Variants in PLD1 observed in about 807,000 individuals in gnomAD.
PLD1 encodes the protein choline phosphatase 1.
PLD1 carries 112 observed loss-of-function variants against 137.1 expected under a neutral mutation model. The observed-to-expected ratio is 0.82, with a 90% CI of 0.70 to 0.96. The LOEUF (loss-of-function observed/expected upper bound fraction) is 0.96. PLD1 is among the 40% of genes least tolerant of loss of function. The pLI, the probability that PLD1 is intolerant of heterozygous loss-of-function variation, is 0.00. For missense variants in PLD1, 1,321 were observed against 1,342.0 expected, an observed-to-expected ratio of 0.98 and a Z score of 0.24; for synonymous variants, 431 against 454.7, an observed-to-expected ratio of 0.95 and a Z score of 0.66.
At chr3:171,660,568 T>C (rs6771343) in intron 20 of PLD1, among the ~76,000 whole-genome samples, 70,273 of 152,066 alleles carry the variant, frequency 0.46, 16,623 homozygotes, top group African/African-American at 0.55. Flanking sequence ...TTAATACTAC[T>C]GTCACATTAA....
intron 21 of PLD1, among the ~76,000 whole-genome samples, chr3:171,647,388 C>A (rs1028277795): frequency 8.6e-5 from 13 of 151,500 alleles, no homozygotes; most frequent in Non-Finnish European, 1.3e-4. Flanking sequence ...TATTTTATGT[C>A]TTTAAATTAA....
At chr3:171,794,741 T>C (rs756061538) in intron 1 of PLD1, among the ~76,000 whole-genome samples, 3 of 151,986 alleles carry the variant, frequency 2.0e-5, no homozygotes, top group Non-Finnish European at 4.4e-5. Context: ...ACAAGTAAAG[T>C]TTTGGGATAC....
rs1478574872 is a variant in PLD1, at chr3:171,618,714, GTGTGTA to G, written c.2728+1666_2728+1671del. 5.6e-3 allele frequency among the ~76,000 whole-genome samples: 589 copies of G among 105,070 alleles called. 5 individuals are homozygous for G. The highest frequency in any genetic ancestry group is 7.9e-3 in the African/African-American group (170 of 21,392). The allele number at this position is 105,070 out of a possible 152,430, so 68.9% of individuals were successfully genotyped here. On this transcript the variant is annotated intron_variant, in intron 24 of 26. Transcript: ENST00000351298. ...TAAATGTGCTATACAAATATTAAAA[GTGTGTA>G]TGTGTGTGTGTGTGTGTGTGTGTGT... is the stretch of plus-strand genomic sequence containing the variant.
chr3:171,779,637 G>A (rs1722713646), intron 1 of PLD1, among the ~76,000 whole-genome samples: 1 of 152,170 alleles, frequency 6.6e-6, no homozygotes, highest in African/African-American at 2.4e-5. Flanking sequence ...GTAAGTCTGA[G>A]ATTCAGGCCT....
intron 25 of PLD1, among the ~76,000 whole-genome samples, chr3:171,606,678 TC>T (rs1406031774): frequency 6.6e-6 from 1 of 152,186 alleles, no homozygotes; most frequent in African/African-American, 2.4e-5. Context: ...ATTGTTACCC[TC>T]CTTGTATTTA....
intron 1 of PLD1, among the ~76,000 whole-genome samples, chr3:171,776,886 A>AT: frequency 6.6e-6 from 1 of 152,330 alleles, no homozygotes; most frequent in South Asian, 2.1e-4. Flanking sequence ...AATTACTGTA[A>AT]TTTTACATAA....
In PLD1 at chr3:171,737,380, G is replaced by A. The variant is rs542952798; in HGVS notation, c.288+152C>T. 17 of 617,798 alleles carry A rather than the reference G, an allele frequency of 2.8e-5. No individual in the cohort carries two copies. The South Asian group carries it at 4.8e-4, about 18-fold the overall frequency. 38.3% of individuals were successfully genotyped at this position (617,798 alleles called of 1,614,324 possible). On this transcript the variant is annotated intron_variant, in intron 3 of 26. Coordinates refer to ENST00000351298, the MANE Select transcript of PLD1 (RefSeq NM_002662.5). ...TGGGAAGGAGGCAAAAACTTGACAG[G>A]TGAAAATGACTTGGAAATGATAGAT...
chr3:171,655,938 A>G (rs1191338943), intron 21 of PLD1, among the ~76,000 whole-genome samples: 1 of 152,138 alleles, frequency 6.6e-6, no homozygotes, highest in Non-Finnish European at 1.5e-5. Context: ...AATTTGATGA[A>G]CTAATTTCCC....
chr3:171,755,278 C>A (rs1431336345), intron 1 of PLD1, among the ~76,000 whole-genome samples: 1 of 152,100 alleles, frequency 6.6e-6, no homozygotes, highest in Non-Finnish European at 1.5e-5. Context: ...ATCCCTCCTC[C>A]TTCTTTAACT....
Position 171,700,367 on chromosome 3 carries a change from C to T in PLD1, c.1146-541G>A, listed in dbSNP as rs182098407. Among the ~76,000 whole-genome samples the T allele has an allele frequency of 3.2e-3, 491 of 151,856 alleles. 1 individual carries two copies. The highest frequency in any genetic ancestry group is 0.011 in the African/African-American group (466 of 41,416). On this transcript the variant is annotated intron_variant, in intron 11 of 26. Coordinates refer to ENST00000351298, the MANE Select transcript of PLD1 (RefSeq NM_002662.5). Reference sequence around the variant, plus strand: ...TCTCTCTCTCCCTCTCCCTCTCTTTCGCTCTCTCTCCCTCCCTCTCTTTTG... The same window carrying T: ...TCTCTCTCTCCCTCTCCCTCTCTTTTGCTCTCTCTCCCTCCCTCTCTTTTG...
chr3:171,746,445 G>A (rs1403250136), intron 1 of PLD1, among the ~76,000 whole-genome samples: 2 of 152,224 alleles, frequency 1.3e-5, no homozygotes, highest in Non-Finnish European at 2.9e-5. Context: ...GCACCAATCA[G>A]TGCTCTGTGT....
At chr3:171,622,945 C>T (rs1413555870) in intron 23 of PLD1, among the ~76,000 whole-genome samples, 2 of 151,600 alleles carry the variant, frequency 1.3e-5, no homozygotes, top group East Asian at 3.9e-4. Flanking sequence ...TTTAGAATGA[C>T]AACAAAGAAA....
Position 171,713,966 on chromosome 3 carries a change from T to A in PLD1, c.838A>T (p.Lys280Ter), listed in dbSNP as rs781717906. ...TTCCCCACCTTAATTTTGAATTCTTTGTCTACCAGCAGGACGAAGGCAATG... is the reference window on the plus strand; with the variant it reads ...TTCCCCACCTTAATTTTGAATTCTTAGTCTACCAGCAGGACGAAGGCAATG... ...GAIAFVLLVD[K>*]EFKIKVGKKE... Residue 280 changes from lysine to a stop codon, truncating the protein, a stop_gained, in exon 9 of 27, where the codon AAA becomes TAA. Coordinates refer to ENST00000351298, the MANE Select transcript of PLD1 (RefSeq NM_002662.5). LOFTEE classifies it high-confidence loss of function. 6.2e-7 allele frequency: 1 copy of A among 1,611,900 alleles called. No individual in the cohort carries two copies. Among genetic ancestry groups the A allele is most frequent in the Non-Finnish European group, 8.5e-7 (1 of 1,177,928 alleles).
At chr3:171,734,692 G>A (rs1230331464) in intron 5 of PLD1, among the ~76,000 whole-genome samples, 173 bp downstream of exon 5, 1 of 152,126 alleles carries the variant, frequency 6.6e-6, no homozygotes, top group Admixed American at 6.5e-5. Flanking sequence ...GCACTGTATG[G>A]CTTGGGGAAA....
At chr3:171,683,512 A>G (rs1003872693) in intron 16 of PLD1, among the ~76,000 whole-genome samples, 1 of 142,860 alleles carries the variant, frequency 7.0e-6, no homozygotes, top group Admixed American at 7.0e-5. Flanking sequence ...CATACTTGCT[A>G]TTCCTTCTGT....
chr3:171,745,602 T>C (rs1720089494), intron 1 of PLD1, among the ~76,000 whole-genome samples: 1 of 152,340 alleles, frequency 6.6e-6, no homozygotes, highest in African/African-American at 2.4e-5. Flanking sequence ...CATCCAGATG[T>C]TTTTGGATTC....
intron 23 of PLD1, among the ~76,000 whole-genome samples, chr3:171,632,252 A>G (rs899741973): frequency 1.3e-4 from 20 of 152,212 alleles, no homozygotes; most frequent in African/African-American, 4.6e-4. Flanking sequence ...CATCAAGATC[A>G]TGAAAGCTCT....
chr3:171,696,624 C>A (rs1166448275), intron 12 of PLD1, among the ~76,000 whole-genome samples: 1 of 152,162 alleles, frequency 6.6e-6, no homozygotes, highest in Non-Finnish European at 1.5e-5. Flanking sequence ...CAACCTCATA[C>A]TTTGCAAAGC....
In PLD1 at chr3:171,708,595, GC is replaced by G. The variant is rs1716884303; in HGVS notation, c.1145+159del. Among the ~76,000 whole-genome samples the G allele has an allele frequency of 2.0e-5, 3 of 152,080 alleles. No individual in the cohort carries two copies. The South Asian group carries it at 6.2e-4, about 32-fold the overall frequency. On this transcript the variant is annotated intron_variant, in intron 11 of 26. Transcript: ENST00000351298. ...TGTTGAGGCCAAGGTTTTTGAAAAG[GC>G]CTTTCACTGAAGGCTTAGTCAACTG...
Sources: gnomAD v4.1 joint callset for allele counts (sites outside exome capture counted in the v4.1 genomes callset) on GRCh38, gnomAD v4.1.1 for gene constraint, MANE v1.5 for transcripts, NCBI Gene and HGNC (gene_info 2026-07-23, HGNC 2026-07-21) for gene names.